PTBP3: variants seen among roughly 807,000 people sequenced by gnomAD.
PTBP3 encodes the protein polypyrimidine tract-binding protein 3.
In PTBP3, 20 loss-of-function variants were observed where a neutral mutation model predicts 58.7. The ratio of observed to expected loss-of-function variants is 0.34; its 90% confidence interval spans 0.24 to 0.50. PTBP3 has a LOEUF of 0.50. PTBP3 is among the 20% of genes least tolerant of loss of function. PTBP3 has a pLI of 0.98. For synonymous variants in PTBP3, 185 were observed against 219.8 expected (o/e 0.84, Z 1.40); for missense variants, 509 against 637.2 (o/e 0.80, Z 2.17).
At position 112,330,449 on chromosome 9, in the gene PTBP3, C is replaced by T. The variant is rs776976745; in HGVS notation, c.-52+3021G>A. On this transcript the variant is annotated intron_variant, in intron 1 of 13. Transcript: ENST00000374257. ...TAGTAAAAGATTCCTACCTTTAAAC[C>T]GACTGTTATAAGATCTGTAACAACA... The T allele has an allele frequency of 5.3e-6, 8 of 1,521,202 alleles. No homozygotes were observed. The African/African-American group carries it at 5.6e-5, about 11-fold the overall frequency. The allele number at this position is 1,521,202 out of a possible 1,614,324, so 94.2% of individuals were successfully genotyped here.
At chr9:112,277,898 T>TAACAC (rs1827681633) in intron 2 of PTBP3, among the ~76,000 whole-genome samples, 1 of 74,036 alleles carries the variant, frequency 1.4e-5, no homozygotes, top group Non-Finnish European at 2.5e-5. Context: ...TAACATAACA[T>TAACAC]AACATAACAT....
chr9:112,366,722 G>A, the PTBP3 span, among the ~76,000 whole-genome samples: 2 of 152,186 alleles, frequency 1.3e-5, no homozygotes, highest in Non-Finnish European at 2.9e-5. Flanking sequence ...GGGAAAGGTA[G>A]AATCAGAGCC....
At chr9:112,363,490 T>C in the PTBP3 span, among the ~76,000 whole-genome samples, 1 of 146,706 alleles carries the variant, frequency 6.8e-6, no homozygotes, top group African/African-American at 2.6e-5. Context: ...CCAATGCACC[T>C]CAGCCTGGGC....
At chr9:112,314,004 T>C (rs1465470393) in intron 1 of PTBP3, among the ~76,000 whole-genome samples, 1 of 152,180 alleles carries the variant, frequency 6.6e-6, no homozygotes, top group Non-Finnish European at 1.5e-5. Flanking sequence ...CTTAAATGAA[T>C]CCACGCAAAT....
rs905324669 is a variant in PTBP3 at position 112,220,922 on chromosome 9, C to T, written c.*2929G>A. The T allele has an allele frequency of 5.2e-6, 5 of 965,812 alleles. No individual in the cohort carries two copies. Among genetic ancestry groups the T allele is most frequent in the African/African-American group, 1.8e-5 (1 of 56,714 alleles). The allele number at this position is 965,812 out of a possible 1,614,324, so 59.8% of individuals were successfully genotyped here. ...CTACGGTAGATCAACAGAGAAAAACCATTGCTAGAAGATACTGAATAAATG... is the reference window on the plus strand; with the variant it reads ...CTACGGTAGATCAACAGAGAAAAACTATTGCTAGAAGATACTGAATAAATG... On this transcript the variant is annotated 3_prime_UTR_variant, in exon 14 of 14. Coordinates refer to ENST00000374257, the MANE Select transcript of PTBP3 (RefSeq NM_001163788.4).
chr9:112,307,417 A>C (rs764744767), intron 1 of PTBP3, among the ~76,000 whole-genome samples: 5 of 152,172 alleles, frequency 3.3e-5, no homozygotes, highest in Non-Finnish European at 7.3e-5. Context: ...ATGCCACTGC[A>C]CTCTGGCCTG....
chr9:112,295,170 C>T (rs542371317), intron 2 of PTBP3, among the ~76,000 whole-genome samples: 137 of 149,572 alleles, frequency 9.2e-4, no homozygotes, highest in African/African-American at 3.2e-3. Flanking sequence ...ACCCAGGAGG[C>T]GGTGGTTACA....
At chr9:112,288,317 C>T (rs557811313) in intron 2 of PTBP3, among the ~76,000 whole-genome samples, 2 of 152,248 alleles carry the variant, frequency 1.3e-5, no homozygotes, top group African/African-American at 4.8e-5. Flanking sequence ...TTTGCCTGAC[C>T]TCACAGGCAT....
chr9:112,282,957 A>G (rs1440405659), intron 2 of PTBP3, among the ~76,000 whole-genome samples: 1 of 152,154 alleles, frequency 6.6e-6, no homozygotes, highest in African/African-American at 2.4e-5. Context: ...AGTTCTCGCA[A>G]GATCTGATGG....
chr9:112,308,551 T>A (rs550535061), intron 1 of PTBP3, among the ~76,000 whole-genome samples: 1 of 152,038 alleles, frequency 6.6e-6, no homozygotes, highest in Admixed American at 6.6e-5. Flanking sequence ...GATAACAGAT[T>A]ACGGTTTAAG....
intron 5 of PTBP3, among the ~76,000 whole-genome samples, chr9:112,260,793 G>A (rs1300563257): frequency 1.3e-5 from 2 of 152,148 alleles, no homozygotes; most frequent in African/African-American, 2.4e-5. Context: ...GGAAAAGAGG[G>A]TTAAAAAAGT....
Position 112,262,453 on chromosome 9 carries a change from G to T in PTBP3, c.498C>A (p.Thr166=). The T allele has an allele frequency of 1.2e-6, 2 of 1,601,862 alleles. No individual in the cohort carries two copies. Among genetic ancestry groups the T allele is most frequent in the Non-Finnish European group, 1.7e-6 (2 of 1,175,770 alleles). Residue 166 remains threonine, a synonymous_variant, in exon 5 of 14, where the codon ACC becomes ACA. Transcript: ENST00000374257. ...IIIENLFYPV[T]LEVLHQIFSK... ...TCCTTACCTGATGAAGAACTTCCAG[G>T]GTAACAGGGTAAAAGAGGTTTTCAA...
rs1313905043 is a variant in PTBP3, at chr9:112,222,780, C to A, written c.*1071G>T. ...TAGATTAAACTCTAACCTATTGTAT[C>A]TTAAGCACATAATAAGGCACATAAT... is the stretch of plus-strand genomic sequence containing the variant. On this transcript the variant is annotated 3_prime_UTR_variant, in exon 14 of 14. Transcript: ENST00000374257. The A allele has an allele frequency of 1.1e-6, 1 of 938,406 alleles. No homozygotes were observed. The highest frequency in any genetic ancestry group is 6.2e-5 in the Admixed American group (1 of 16,168). The allele number at this position is 938,406 out of a possible 1,614,324, so 58.1% of individuals were successfully genotyped here.
At chr9:112,233,578 A>C (rs1185279169) in intron 8 of PTBP3, among the ~76,000 whole-genome samples, 1 of 152,102 alleles carries the variant, frequency 6.6e-6, no homozygotes, top group Non-Finnish European at 1.5e-5. Flanking sequence ...AGATGGTAAA[A>C]TTTAAAACCT....
At chr9:112,331,779 G>C (rs1308427240) in intron 1 of PTBP3, among the ~76,000 whole-genome samples, 3 of 152,164 alleles carry the variant, frequency 2.0e-5, no homozygotes, top group Non-Finnish European at 4.4e-5. Flanking sequence ...CACAAATAGC[G>C]TGAAGGGAGA....
chr9:112,348,451 A>G, the PTBP3 span, among the ~76,000 whole-genome samples: 7 of 152,218 alleles, frequency 4.6e-5, no homozygotes, highest in African/African-American at 1.4e-4. Flanking sequence ...TCTACCAACA[A>G]TGAACTGGTA....
chr9:112,232,424 T>C (rs1242908642), intron 8 of PTBP3, among the ~76,000 whole-genome samples, 186 bp from the exon 9 acceptor site: 2 of 152,180 alleles, frequency 1.3e-5, no homozygotes, highest in South Asian at 2.1e-4. Context: ...TCCTCATCTA[T>C]TGACATTACT....
At chr9:112,243,143 A>AAC (rs1554790009) in intron 7 of PTBP3, among the ~76,000 whole-genome samples, 6 of 151,806 alleles carry the variant, frequency 4.0e-5, no homozygotes, top group Non-Finnish European at 8.8e-5. Flanking sequence ...AAAAAAAAAA[A>AAC]AAAACAGTTT....
intron 2 of PTBP3, among the ~76,000 whole-genome samples, chr9:112,283,940 T>C (rs1589864375): frequency 6.6e-6 from 1 of 152,200 alleles, no homozygotes; most frequent in Non-Finnish European, 1.5e-5. Flanking sequence ...ATAGCTTCCA[T>C]GTGGTGTTGG....
Sources: allele counts gnomAD v4.1 joint callset (sites outside exome capture counted in the v4.1 genomes callset), GRCh38; gene constraint gnomAD v4.1.1; transcripts MANE v1.5; gene names NCBI Gene and HGNC (gene_info 2026-07-23, HGNC 2026-07-21).